BDP1: variants seen among roughly 807,000 people sequenced by gnomAD.
The protein encoded by BDP1 is BDP1 general transcription factor IIIB subunit, also known as transcription factor TFIIIB component B'' homolog.
A neutral mutation model predicts 266.6 loss-of-function variants in BDP1; 169 were observed. That is an observed-to-expected ratio of 0.63 (90% CI 0.56 to 0.72). The LOEUF is 0.72. Among genes scored for constraint, BDP1 ranks in the 30% least tolerant of loss-of-function variants. The pLI, the probability that BDP1 is intolerant of heterozygous loss-of-function variation, is 0.00. For synonymous variants in BDP1, 1,090 were observed against 1,022.4 expected (o/e 1.07, Z -1.26); for missense variants, 3,015 against 3,053.8 (o/e 0.99, Z 0.30).
chr5:71,535,782 C>A (rs1392411340), intron 26 of BDP1, among the ~76,000 whole-genome samples: 2 of 152,046 alleles, frequency 1.3e-5, no homozygotes, highest in Admixed American at 1.3e-4. Context: ...ATACTTCCAC[C>A]CTCTGCCTCC....
chr5:71,543,216 A>G (rs1767076437), intron 30 of BDP1, among the ~76,000 whole-genome samples: 1 of 152,168 alleles, frequency 6.6e-6, no homozygotes, highest in Non-Finnish European at 1.5e-5. Flanking sequence ...GGGGAGGTTG[A>G]GGTCGCAGTG....
intron 12 of BDP1, 99 bp from the exon 13 acceptor site, chr5:71,497,171 T>C (rs887254961): frequency 2.9e-6 from 3 of 1,044,258 alleles, no homozygotes; most frequent in Non-Finnish European, 4.2e-6. Context: ...CTAAGTAAGC[T>C]CTTAAAGGAG....
intron 32 of BDP1, 26 bp downstream of exon 32, chr5:71,545,245 G>A (rs892646450): frequency 2.5e-6 from 4 of 1,579,662 alleles, no homozygotes; most frequent in African/African-American, 1.4e-5. Flanking sequence ...GTATAATAAG[G>A]GATAGCAAGG....
chr5:71,534,737 G>C (rs1024261125), intron 26 of BDP1, among the ~76,000 whole-genome samples: 2 of 152,058 alleles, frequency 1.3e-5, no homozygotes, highest in East Asian at 1.9e-4. Context: ...TGTCTCCCTG[G>C]TTCAAGCAAT....
At chr5:71,540,930 A>G (rs566369901) in intron 28 of BDP1, among the ~76,000 whole-genome samples, 1 of 152,210 alleles carries the variant, frequency 6.6e-6, no homozygotes, top group African/African-American at 2.4e-5. Context: ...AAAGTGAGAC[A>G]CTGTCTCAAA....
At chr5:71,525,296 G>A (rs1356544778) in intron 25 of BDP1, among the ~76,000 whole-genome samples, 13 of 144,534 alleles carry the variant, frequency 9.0e-5, no homozygotes, top group Admixed American at 6.8e-4. Context: ...CGGACGGGGC[G>A]GCTGGCCGGG....
Position 71,514,998 on chromosome 5 carries a change from G to A in BDP1, c.4525G>A (p.Glu1509Lys). ...REKDTLGHRN[E>K]EAVILPCTQT... Reference sequence around the variant, plus strand: ...AAAAGACACATTAGGTCACAGGAATGAGGAGGCTGTGATATTGCCATGTAC... The same window carrying A: ...AAAAGACACATTAGGTCACAGGAATAAGGAGGCTGTGATATTGCCATGTAC... Residue 1509 changes from glutamate (E) to lysine (K), a missense_variant, in exon 20 of 39, where the codon GAG becomes AAG. By Grantham distance (56) the Glu-to-Lys change is moderately conservative (BLOSUM62 1). Around this residue, in one of 3 missense-constraint regions of BDP1, gnomAD observed 2,383 missense variants for 2,404.9 expected, o/e 0.99. Coordinates refer to ENST00000358731, the MANE Select transcript of BDP1 (RefSeq NM_018429.3). 1 of 1,612,820 alleles carries A rather than the reference G, an allele frequency of 6.2e-7. No individual in the cohort carries two copies. Among genetic ancestry groups the A allele is most frequent in the South Asian group, 1.1e-5 (1 of 90,810 alleles).
Position 71,458,609 on chromosome 5 carries a change from TG to T in BDP1, c.244del (p.Glu82LysfsTer70). On this transcript the variant is annotated frameshift_variant, in exon 2 of 39. Coordinates refer to ENST00000358731, the MANE Select transcript of BDP1 (RefSeq NM_018429.3). LOFTEE classifies it high-confidence loss of function. Reference protein sequence around the residue: ...TEKTGGDNDVEESSRSSSTVS... With the variant: ...TEKTGGDNDVXESSRSSSTVS... ...AAAAGACTGGTGGTGACAATGATGTTGAAGAATCCAGTAGATCTTCCTCTAC... is the reference window on the plus strand; with the variant it reads ...AAAAGACTGGTGGTGACAATGATGTTAAGAATCCAGTAGATCTTCCTCTAC... 6.2e-7 allele frequency: 1 copy of T among 1,613,282 alleles called. No individual in the cohort carries two copies. The highest frequency in any genetic ancestry group is 8.5e-7 in the Non-Finnish European group (1 of 1,179,448).
chr5:71,561,173 G>A (rs983456051), intron 37 of BDP1, among the ~76,000 whole-genome samples: 1 of 151,868 alleles, frequency 6.6e-6, no homozygotes, highest in African/African-American at 2.4e-5. Flanking sequence ...AGGCTGAGGT[G>A]GGTGGATCAC....
Position 71,546,633 on chromosome 5 carries a change from A to C in BDP1, c.6744+1414A>C, listed in dbSNP as rs1439335605. On this transcript the variant is annotated intron_variant, in intron 32 of 38. Transcript: ENST00000358731. ...ACTCTGTCTCAAAAAAAAAAAAAAA[A>C]AAAAAAAAAAAACCAAAAAACTGAA... 1.5e-4 allele frequency among the ~76,000 whole-genome samples: 23 copies of C among 151,176 alleles called. 1 individual carries two copies. The East Asian group carries it at 4.5e-3, about 29-fold the overall frequency.
chr5:71,511,931 A>G lies in BDP1; in HGVS notation c.4060-310A>G, dbSNP rs372083959. Among the ~76,000 whole-genome samples the G allele has an allele frequency of 1.8e-4, 27 of 151,770 alleles. 1 individual carries two copies. The highest frequency in any genetic ancestry group is 1.5e-3 in the East Asian group (8 of 5,184). ...GCCCCACCTGACTTACTTCACTTCT[A>G]AAAGTTCTTTTTGTTTTTTCAAGTT... is the stretch of plus-strand genomic sequence containing the variant. On this transcript the variant is annotated intron_variant, in intron 17 of 38. Transcript: ENST00000358731.
rs796443515 is a variant in BDP1 at position 71,490,858 on chromosome 5, C to A, written c.1493-126C>A. On this transcript the variant is annotated intron_variant, in intron 10 of 38. Coordinates refer to ENST00000358731, the MANE Select transcript of BDP1 (RefSeq NM_018429.3). ...GTCTAAAAATAAGATGTGTGCCTTG[C>A]AAATAGGGACTTGAATGTTGCTTAA... 5.4e-6 allele frequency: 5 copies of A among 918,094 alleles called. 1 individual carries two copies. The African/African-American group carries it at 8.5e-5, about 16-fold the overall frequency. The allele number at this position is 918,094 out of a possible 1,614,324, so 56.9% of individuals were successfully genotyped here.
At chr5:71,485,074 A>G (rs1763182589) in intron 8 of BDP1, among the ~76,000 whole-genome samples, 1 of 152,216 alleles carries the variant, frequency 6.6e-6, no homozygotes, top group Non-Finnish European at 1.5e-5. Flanking sequence ...TAGTCAGAAA[A>G]TAATTCGTAA....
rs1370430720 is a variant in BDP1 at position 71,516,056 on chromosome 5, T to C, written c.4650-5T>C. The C allele has an allele frequency of 1.3e-6, 2 of 1,595,392 alleles. No homozygotes were observed. The highest frequency in any genetic ancestry group is 2.3e-5 in the South Asian group (2 of 88,246). On this transcript the variant is annotated splice_region_variant and splice_polypyrimidine_tract_variant and intron_variant, in intron 20 of 38. Transcript: ENST00000358731. ...CCCTGCCTTTCTCCCTGTCCCCTTG[T>C]TTAGGACTAATAATGTAAACACTTT...
intron 25 of BDP1, among the ~76,000 whole-genome samples, chr5:71,530,261 G>T (rs750233977): frequency 5.3e-5 from 8 of 151,524 alleles, no homozygotes; most frequent in Admixed American, 1.3e-4. Context: ...TTGAGATAGG[G>T]TCTTACTCCA....
intron 4 of BDP1, among the ~76,000 whole-genome samples, chr5:71,464,715 G>GTT (rs567761591): frequency 0.013 from 1,126 of 88,044 alleles, 59 homozygotes; most frequent in African/African-American, 0.038. Flanking sequence ...AAATTTTTTA[G>GTT]TTTTTTTTTT....
At chr5:71,519,645 C>CT in intron 22 of BDP1, among the ~76,000 whole-genome samples, 1 of 152,138 alleles carries the variant, frequency 6.6e-6, no homozygotes, top group Non-Finnish European at 1.5e-5. Flanking sequence ...GGATTTCATT[C>CT]TTTTTTATGG....
intron 16 of BDP1, among the ~76,000 whole-genome samples, chr5:71,506,974 C>G (rs1021561276): frequency 1.3e-5 from 2 of 152,072 alleles, no homozygotes; most frequent in East Asian, 3.9e-4. Context: ...GTGCATGCCA[C>G]CACATCTGGC....
intron 30 of BDP1, among the ~76,000 whole-genome samples, chr5:71,543,587 A>G (rs796221030): frequency 3.3e-5 from 5 of 152,324 alleles, no homozygotes; most frequent in East Asian, 1.9e-4. Flanking sequence ...GTCTCAAAGA[A>G]AAATAAAAGG....
Sources: allele counts gnomAD v4.1 joint callset (sites outside exome capture counted in the v4.1 genomes callset), GRCh38; gene constraint gnomAD v4.1.1; regional missense constraint gnomAD v4.1.1; transcripts MANE v1.5; gene names NCBI Gene and HGNC (gene_info 2026-07-23, HGNC 2026-07-21).